Variants in CNTN3 observed in about 807,000 individuals in gnomAD.
CNTN3 encodes the protein contactin-3.
Under a neutral mutation model 119.1 loss-of-function variants are expected in CNTN3, and 60 were observed. The ratio of observed to expected loss-of-function variants is 0.50; its 90% CI spans 0.41 to 0.62. CNTN3 has a LOEUF of 0.62. Among genes scored for constraint, CNTN3 ranks in the 20% least tolerant of loss-of-function variants. The pLI, the probability that CNTN3 is intolerant of heterozygous loss-of-function variation, is 0.00. For synonymous variants in CNTN3, 450 were observed against 438.7 expected (o/e 1.03, Z -0.32); for missense variants, 1,101 against 1,242.4 (o/e 0.89, Z 1.71).
At chr3:74,559,069 C>T (rs1704113622) in intron 1 of CNTN3, among the ~76,000 whole-genome samples, 1 of 151,536 alleles carries the variant, frequency 6.6e-6, no homozygotes. Flanking sequence ...AAGAACTAAG[C>T]ATAGAGCTCA....
intron 13 of CNTN3, among the ~76,000 whole-genome samples, chr3:74,312,074 A>G (rs1279357685): frequency 1.4e-5 from 2 of 145,610 alleles, no homozygotes; most frequent in Non-Finnish European, 3.0e-5. Flanking sequence ...TGAATATTGG[A>G]AAAAAAAAAT....
intron 4 of CNTN3, among the ~76,000 whole-genome samples, chr3:74,432,364 A>G (rs1037845264): frequency 1.3e-5 from 2 of 151,834 alleles, no homozygotes; most frequent in Admixed American, 1.3e-4. Flanking sequence ...AAATACATTA[A>G]CACTAACAAG....
At chr3:74,362,503 G>A (rs545953312) in intron 10 of CNTN3, among the ~76,000 whole-genome samples, 59 of 152,094 alleles carry the variant, frequency 3.9e-4, no homozygotes, top group Non-Finnish European at 6.2e-4. Context: ...CAAGTTCCAC[G>A]ATAAAATGTT....
rs1702485717 is a variant in CNTN3 at position 74,302,812 on chromosome 3, T to C, written c.1669-5A>G. Reference sequence around the variant, plus strand: ...CATTAAATCACCAGATGAACTCTGTTGGGAAAACAGGTAATGAATACACTG... The same window carrying C: ...CATTAAATCACCAGATGAACTCTGTCGGGAAAACAGGTAATGAATACACTG... On this transcript the variant is annotated splice_polypyrimidine_tract_variant and splice_region_variant and intron_variant, in intron 13 of 22. Coordinates refer to ENST00000263665, the MANE Select transcript of CNTN3 (RefSeq NM_020872.3). 1 of 1,577,026 alleles carries C rather than the reference T, an allele frequency of 6.3e-7. No homozygotes were observed. The highest frequency in any genetic ancestry group is 8.7e-7 in the Non-Finnish European group (1 of 1,147,436).
intron 2 of CNTN3, among the ~76,000 whole-genome samples, chr3:74,501,888 C>T (rs1211002177): frequency 6.6e-6 from 1 of 151,946 alleles, no homozygotes; most frequent in Non-Finnish European, 1.5e-5. Context: ...TTAAAAGAGG[C>T]AATATTGCTA....
intron 4 of CNTN3, among the ~76,000 whole-genome samples, chr3:74,483,312 C>T (rs1274376079): frequency 6.6e-6 from 1 of 152,010 alleles, no homozygotes; most frequent in Non-Finnish European, 1.5e-5. Context: ...GTACTTCACT[C>T]ACCTTATGTA....
intron 11 of CNTN3, among the ~76,000 whole-genome samples, chr3:74,348,931 T>C (rs957691846): frequency 1.3e-5 from 2 of 150,930 alleles, no homozygotes; most frequent in Non-Finnish European, 3.0e-5. Flanking sequence ...AAAAAAAATA[T>C]AAAAATTACC....
intron 18 of CNTN3, among the ~76,000 whole-genome samples, chr3:74,296,513 C>T (rs1358019238): frequency 6.6e-6 from 1 of 152,126 alleles, no homozygotes; most frequent in Non-Finnish European, 1.5e-5. Flanking sequence ...AGAACTCAAC[C>T]AAAAGTGAGA....
chr3:74,563,067 G>A (rs1304097579), intron 1 of CNTN3, among the ~76,000 whole-genome samples: 2 of 152,074 alleles, frequency 1.3e-5, no homozygotes, highest in Non-Finnish European at 2.9e-5. Context: ...ATAACAGATC[G>A]TCCCACTGTT....
intron 1 of CNTN3, among the ~76,000 whole-genome samples, chr3:74,581,878 G>GA (rs1422622508): frequency 2.0e-5 from 3 of 151,630 alleles, no homozygotes; most frequent in East Asian, 1.9e-4. Flanking sequence ...AATGTTGCTA[G>GA]AAAAAAAATG....
At chr3:74,316,803 C>T (rs972197442) in intron 13 of CNTN3, among the ~76,000 whole-genome samples, 1 of 151,912 alleles carries the variant, frequency 6.6e-6, no homozygotes, top group Non-Finnish European at 1.5e-5. Flanking sequence ...TGGCGGGTGC[C>T]TGTAGTCCCA....
At chr3:74,594,401 T>C (rs1180865413) in intron 1 of CNTN3, among the ~76,000 whole-genome samples, 3 of 151,460 alleles carry the variant, frequency 2.0e-5, no homozygotes, top group Non-Finnish European at 4.4e-5. Context: ...CATTAACTCA[T>C]CATTTAGCAT....
intron 5 of CNTN3, among the ~76,000 whole-genome samples, chr3:74,401,775 C>T (rs554075190): frequency 1.3e-5 from 2 of 152,180 alleles, no homozygotes; most frequent in East Asian, 3.9e-4. Flanking sequence ...ATAACTGCTC[C>T]CCAGTCCTCA....
chr3:74,449,490 G>A (rs1463578977), intron 4 of CNTN3, among the ~76,000 whole-genome samples: 1 of 152,056 alleles, frequency 6.6e-6, no homozygotes. Flanking sequence ...TGTTTCAAGT[G>A]CAAATTTCCA....
At chr3:74,342,058 A>G (rs570678643) in intron 11 of CNTN3, among the ~76,000 whole-genome samples, 1 of 152,288 alleles carries the variant, frequency 6.6e-6, no homozygotes, top group South Asian at 2.1e-4. Flanking sequence ...ACATATTCTA[A>G]GAGATGGATG....
At chr3:74,278,678 G>A (rs529208947) in intron 20 of CNTN3, among the ~76,000 whole-genome samples, 1 of 151,992 alleles carries the variant, frequency 6.6e-6, no homozygotes, top group African/African-American at 2.4e-5. Flanking sequence ...TTGGAAAAAC[G>A]CTTCTCAACA....
At chr3:74,358,701 C>T (rs186246479) in intron 11 of CNTN3, among the ~76,000 whole-genome samples, 193 of 150,386 alleles carry the variant, frequency 1.3e-3, no homozygotes, top group African/African-American at 4.4e-3. Flanking sequence ...TGCTGGTGCG[C>T]TGCACCCACT....
chr3:74,490,773 A>AC (rs1386236076), intron 3 of CNTN3, among the ~76,000 whole-genome samples: 1 of 152,212 alleles, frequency 6.6e-6, no homozygotes, highest in Non-Finnish European at 1.5e-5. Context: ...AAAGACTATT[A>AC]TTTTTAAAAT....
In CNTN3 at chr3:74,499,724, A is replaced by C. The variant is rs748106555; in HGVS notation, c.117T>G (p.Val39=). ...AAGTTATTTTTTTATCTTCTGAACC[A>C]ACAGGGAAAATGCTGTTGCTGGGTT... ...IKEPSNSIFP[V]GSEDKKITLH... is the part of the protein sequence containing the mutation. Residue 39 remains valine (V), a synonymous_variant, in exon 3 of 23, where the codon GTT becomes GTG. Coordinates refer to ENST00000263665, the MANE Select transcript of CNTN3 (RefSeq NM_020872.3). The C allele has an allele frequency of 6.2e-7, 1 of 1,611,798 alleles. No individual in the cohort carries two copies. The highest frequency in any genetic ancestry group is 1.7e-5 in the Admixed American group (1 of 59,878).
Sources: gnomAD v4.1 joint callset for allele counts (sites outside exome capture counted in the v4.1 genomes callset) on GRCh38, gnomAD v4.1.1 for gene constraint, MANE v1.5 for transcripts, NCBI Gene and HGNC (gene_info 2026-07-23, HGNC 2026-07-21) for gene names.